TBCEL: variants seen among roughly 807,000 people sequenced by gnomAD.
The protein encoded by TBCEL is tubulin folding cofactor E like, also known as tubulin-specific chaperone cofactor E-like protein.
Under a neutral mutation model 44.2 loss-of-function variants are expected in TBCEL, and 15 were observed. The ratio of observed to expected loss-of-function variants is 0.34; its 90% CI spans 0.23 to 0.52. The LOEUF (loss-of-function observed/expected upper bound fraction) is 0.52, where lower values mean the gene tolerates loss of function less well. Ranked by LOEUF, TBCEL falls within the 20% of genes least tolerant of loss-of-function variation. The pLI, the probability that TBCEL is intolerant of heterozygous loss-of-function variation, is 0.95. For synonymous variants in TBCEL, 171 were observed against 185.4 expected, an observed-to-expected ratio of 0.92 and a Z score of 0.63; for missense variants, 319 against 506.3, an observed-to-expected ratio of 0.63 and a Z score of 3.55.
rs147108097 is a variant in TBCEL, at chr11:121,077,211, A to G, written c.957-9567A>G. On this transcript the variant is annotated intron_variant, in intron 8 of 8. Transcript: ENST00000683345. ...GGAAGAGTTTGTGTAGAACAGTGTT[A>G]TTTTCTTCTAAGATATTTTGTAGAA... is the stretch of plus-strand genomic sequence containing the variant. 4.7e-4 allele frequency among the ~76,000 whole-genome samples: 70 copies of G among 150,090 alleles called. 1 individual carries two copies. The East Asian group carries it at 0.013, about 28-fold the overall frequency.
chr11:121,075,078 C>T (rs1591415924), intron 8 of TBCEL, among the ~76,000 whole-genome samples: 2 of 151,776 alleles, frequency 1.3e-5, no homozygotes, highest in Admixed American at 6.6e-5. Context: ...CACACAAGGG[C>T]GTGTGTATGT....
At chr11:121,054,110 A>G (rs1945577034) in intron 5 of TBCEL, among the ~76,000 whole-genome samples, 1 of 151,892 alleles carries the variant, frequency 6.6e-6, no homozygotes, top group African/African-American at 2.4e-5. Flanking sequence ...CATTCAGATG[A>G]TTAAGTGCCT....
intron 8 of TBCEL, among the ~76,000 whole-genome samples, chr11:121,064,675 A>G (rs1008480103): frequency 6.6e-6 from 1 of 152,120 alleles, no homozygotes; most frequent in Non-Finnish European, 1.5e-5. Flanking sequence ...GTGTTTTCAG[A>G]TATATGGGTG....
chr11:121,035,079 G>C (rs1205425953), intron 1 of TBCEL, among the ~76,000 whole-genome samples: 2 of 152,192 alleles, frequency 1.3e-5, no homozygotes, highest in Admixed American at 1.3e-4. Context: ...TAGTCCTCCA[G>C]CTCTACATTC....
intron 8 of TBCEL, among the ~76,000 whole-genome samples, chr11:121,083,274 TAA>T (rs1218295492): frequency 3.9e-5 from 6 of 152,128 alleles, no homozygotes; most frequent in African/African-American, 1.4e-4. Flanking sequence ...CGTAGGAAGA[TAA>T]TGAGTGGGAA....
chr11:121,054,901 C>G (rs1255353420), intron 5 of TBCEL, 151 bp from the exon 6 acceptor site: 6 of 768,434 alleles, frequency 7.8e-6, no homozygotes, highest in Non-Finnish European at 9.2e-6. Context: ...ATATTTTGAA[C>G]TTCAGGAAGA....
chr11:121,044,855 A>G (rs1945400650), intron 2 of TBCEL, among the ~76,000 whole-genome samples: 1 of 152,142 alleles, frequency 6.6e-6, no homozygotes, highest in African/African-American at 2.4e-5. Flanking sequence ...TGTATTATTT[A>G]GGATTAGGTC....
chr11:121,037,965 TTTTTTTTTTTTTTAGACGGAGTC>T (rs1389416518), intron 2 of TBCEL, among the ~76,000 whole-genome samples: 1 of 146,234 alleles, frequency 6.8e-6, no homozygotes, highest in Non-Finnish European at 1.5e-5. Context: ...CAGAATGAAT[TTTTTTTTTTTTTTAGACGGAGTC>T]TTGCTCTGTC....
At chr11:121,051,832 C>G (rs1476724356) in intron 4 of TBCEL, among the ~76,000 whole-genome samples, 3 of 151,816 alleles carry the variant, frequency 2.0e-5, no homozygotes, top group African/African-American at 7.2e-5. Flanking sequence ...ACCTTTTCTT[C>G]TCACCTACTC....
chr11:121,072,887 A>C (rs574514142), intron 8 of TBCEL, among the ~76,000 whole-genome samples: 1 of 152,164 alleles, frequency 6.6e-6, no homozygotes, highest in South Asian at 2.1e-4. Flanking sequence ...AGTTTCAAAT[A>C]GAGATCTGGC....
At chr11:121,053,762 G>A in intron 5 of TBCEL, 30 bp downstream of exon 5, 3 of 1,605,538 alleles carry the variant, frequency 1.9e-6, no homozygotes, top group Non-Finnish European at 2.6e-6. Flanking sequence ...GGGCGAGGGA[G>A]TTATGTTGCC....
At chr11:121,042,364 G>A (rs1318954078) in intron 2 of TBCEL, among the ~76,000 whole-genome samples, 1 of 152,180 alleles carries the variant, frequency 6.6e-6, no homozygotes, top group Admixed American at 6.5e-5. Flanking sequence ...CCTGCTCTAT[G>A]TTGTCTGCTG....
At chr11:121,068,886 C>CA (rs575081373) in intron 8 of TBCEL, among the ~76,000 whole-genome samples, 2,097 of 87,786 alleles carry the variant, frequency 0.024, 32 homozygotes, top group African/African-American at 0.052. Context: ...GGCTCCGTCT[C>CA]AAAAAAAAAA....
intron 8 of TBCEL, among the ~76,000 whole-genome samples, chr11:121,060,855 G>C (rs1383644490): frequency 6.6e-6 from 1 of 151,930 alleles, no homozygotes; most frequent in Non-Finnish European, 1.5e-5. Flanking sequence ...TAGACAAACA[G>C]CCTGAATGTG....
At chr11:121,075,710 C>T (rs1946020892) in intron 8 of TBCEL, among the ~76,000 whole-genome samples, 1 of 151,898 alleles carries the variant, frequency 6.6e-6, no homozygotes, top group African/African-American at 2.4e-5. Flanking sequence ...ATTAGATTTA[C>T]ACCTAAGTAC....
chr11:121,072,660 G>A (rs1229149242), intron 8 of TBCEL, among the ~76,000 whole-genome samples: 1 of 151,364 alleles, frequency 6.6e-6, no homozygotes, highest in African/African-American at 2.4e-5. Flanking sequence ...CCCTCATATT[G>A]TGGCTTTTCA....
At chr11:121,085,938 T>C (rs145560380) in intron 8 of TBCEL, among the ~76,000 whole-genome samples, 2 of 152,356 alleles carry the variant, frequency 1.3e-5, no homozygotes, top group East Asian at 3.9e-4. Context: ...GATCCTTAAT[T>C]AAAGTGACTT....
chr11:121,038,583 TA>T (rs887335197), intron 2 of TBCEL, among the ~76,000 whole-genome samples: 21 of 147,046 alleles, frequency 1.4e-4, no homozygotes, highest in African/African-American at 4.8e-4. Context: ...TTAATGGGCT[TA>T]AAAAAAAAAC....
chr11:121,033,813 C>T (rs1304930812), intron 1 of TBCEL, among the ~76,000 whole-genome samples: 4 of 152,088 alleles, frequency 2.6e-5, no homozygotes. Flanking sequence ...CTCTCCACTC[C>T]CCGTGCCCTC....
Sources: allele counts gnomAD v4.1 joint callset (sites outside exome capture counted in the v4.1 genomes callset), GRCh38; gene constraint gnomAD v4.1.1; transcripts MANE v1.5; gene names NCBI Gene and HGNC (gene_info 2026-07-23, HGNC 2026-07-21).